Variants in RSPH14 observed in about 807,000 individuals in gnomAD.
The protein encoded by RSPH14 is radial spoke head 14 homolog.
RSPH14 carries 20 observed loss-of-function variants against 26.7 expected under a neutral mutation model. The ratio of observed to expected loss-of-function variants is 0.75; its 90% CI spans 0.53 to 1.09. The LOEUF (loss-of-function observed/expected upper bound fraction) is 1.09, where lower values mean the gene tolerates loss of function less well. RSPH14 is among the 50% of genes least tolerant of loss of function. The pLI is 0.00. For missense variants in RSPH14, 449 were observed against 457.2 expected (o/e 0.98, Z 0.16); for synonymous variants, 177 against 189.3 (o/e 0.93, Z 0.53).
intron 4 of RSPH14, among the ~76,000 whole-genome samples, chr22:23,072,584 C>T (rs1212659095): frequency 6.6e-6 from 1 of 152,222 alleles, no homozygotes; most frequent in Non-Finnish European, 1.5e-5. Flanking sequence ...TGTGCCTACC[C>T]TCCCCACCCA....
At chr22:23,062,025 A>T (rs1057331295) in intron 5 of RSPH14, 80 bp from the exon 6 acceptor site, 2 of 1,549,078 alleles carry the variant, frequency 1.3e-6, no homozygotes, top group African/African-American at 1.4e-5. Context: ...CCAGGGAGAC[A>T]CAAAAGAAAT....
chr22:23,072,861 C>T (rs1412954958), intron 4 of RSPH14, among the ~76,000 whole-genome samples: 2 of 152,224 alleles, frequency 1.3e-5, no homozygotes, highest in Non-Finnish European at 2.9e-5. Context: ...TGGCCAGAAC[C>T]TGGTGCAGGA....
chr22:23,141,919 C>G, intron 1 of RSPH14, 30 bp downstream of exon 1: 8 of 953,470 alleles, frequency 8.4e-6, no homozygotes, highest in Non-Finnish European at 1.0e-5. Context: ...CCCCTGTCCC[C>G]GGGCCCCTAG....
intron 4 of RSPH14, among the ~76,000 whole-genome samples, chr22:23,090,064 A>G (rs2068924874): frequency 6.6e-6 from 1 of 152,018 alleles, no homozygotes; most frequent in Non-Finnish European, 1.5e-5. Flanking sequence ...AACACTACAC[A>G]TCTGCTGGGG....
chr22:23,132,606 C>A (rs1387881778), intron 4 of RSPH14: 1 of 148,872 alleles, frequency 6.7e-6, no homozygotes, highest in Non-Finnish European at 1.5e-5. Context: ...TACACACCCA[C>A]CAAAATAGCT....
chr22:23,067,014 G>T (rs971955033), intron 4 of RSPH14, among the ~76,000 whole-genome samples: 2 of 152,164 alleles, frequency 1.3e-5, no homozygotes, highest in Non-Finnish European at 2.9e-5. Flanking sequence ...AGGCCCCGGG[G>T]AAGCTGGTTC....
intron 4 of RSPH14, chr22:23,123,257 G>A: frequency 6.2e-7 from 1 of 1,614,142 alleles, no homozygotes; most frequent in Non-Finnish European, 8.5e-7. Context: ...ACACGTACGA[G>A]GAGGCCGCTG....
the RSPH14 span, among the ~76,000 whole-genome samples, chr22:23,155,247 T>G: frequency 6.6e-6 from 1 of 152,208 alleles, no homozygotes; most frequent in Non-Finnish European, 1.5e-5. Context: ...GGGGAACAAT[T>G]TTCCGACTCA....
the RSPH14 span, among the ~76,000 whole-genome samples, chr22:23,172,739 A>G: frequency 1.7e-4 from 26 of 151,686 alleles, no homozygotes; most frequent in South Asian, 4.2e-4. Context: ...TTGTGAGGTC[A>G]GGAGATCGAG....
upstream of RSPH14, chr22:23,146,652 G>C: frequency 6.2e-7 from 1 of 1,614,070 alleles, no homozygotes; most frequent in Non-Finnish European, 8.5e-7. Context: ...GGCCCCCTGT[G>C]AGCCGCGACC....
At chr22:23,161,492 CCTT>C in the RSPH14 span, 1 of 1,606,154 alleles carries the variant, frequency 6.2e-7, no homozygotes, top group Non-Finnish European at 8.5e-7. Context: ...CTTCTCCCCT[CCTT>C]ACAGAAATGG....
chr22:23,163,875 C>T, the RSPH14 span: 2 of 152,262 alleles, frequency 1.3e-5, no homozygotes, highest in Non-Finnish European at 2.9e-5. Context: ...CCTGATGGCA[C>T]ACAAGGAGCC....
chr22:23,141,759 T>G (rs1365363493), intron 1 of RSPH14, among the ~76,000 whole-genome samples, 190 bp downstream of exon 1: 2 of 152,144 alleles, frequency 1.3e-5, no homozygotes, highest in Non-Finnish European at 2.9e-5. Flanking sequence ...TGAGTTGAGC[T>G]CCCCTCACAG....
chr22:23,134,720 A>G (rs746638396), intron 3 of RSPH14, among the ~76,000 whole-genome samples: 2 of 151,402 alleles, frequency 1.3e-5, no homozygotes, highest in Non-Finnish European at 2.9e-5. Context: ...CAAAAAATCA[A>G]CCAAGCTTGG....
intron 4 of RSPH14, among the ~76,000 whole-genome samples, chr22:23,084,169 C>G (rs1312511878): frequency 6.6e-6 from 1 of 152,174 alleles, no homozygotes; most frequent in Non-Finnish European, 1.5e-5. Flanking sequence ...GAAGATGTGG[C>G]TTTTTAGTCC....
intron 5 of RSPH14, 146 bp downstream of exon 5, chr22:23,063,756 A>T (rs952607564): frequency 2.8e-6 from 2 of 704,912 alleles, no homozygotes; most frequent in South Asian, 3.5e-5. Flanking sequence ...GGAGAAGGTC[A>T]TCCTCTGTCC....
chr22:23,107,688 G>T (rs984964670), intron 4 of RSPH14, among the ~76,000 whole-genome samples: 1 of 152,182 alleles, frequency 6.6e-6, no homozygotes, highest in African/African-American at 2.4e-5. Flanking sequence ...CGCAGCAGTG[G>T]AGTCGGGTCC....
the RSPH14 span, among the ~76,000 whole-genome samples, chr22:23,151,823 C>A: frequency 1.7e-3 from 253 of 152,300 alleles, 2 homozygotes; most frequent in African/African-American, 5.8e-3. Context: ...CACAGAGAGC[C>A]CAAGAACCTC....
the RSPH14 span, among the ~76,000 whole-genome samples, chr22:23,173,621 G>T: frequency 7.2e-4 from 84 of 116,748 alleles, no homozygotes; most frequent in Admixed American, 1.9e-3. Context: ...TTTTATTTTT[G>T]GTTTTTTGTT....
Sources: allele counts gnomAD v4.1 joint callset (sites outside exome capture counted in the v4.1 genomes callset), GRCh38; gene constraint gnomAD v4.1.1; transcripts MANE v1.5; gene names NCBI Gene and HGNC (gene_info 2026-07-23, HGNC 2026-07-21).